The following SUFU variants were observed in gnomAD, a reference collection of about 807,000 sequenced individuals.
SUFU encodes the protein suppressor of fused homolog.
In SUFU, 7 loss-of-function variants were observed where a neutral mutation model predicts 58.9. The ratio of observed to expected loss-of-function variants is 0.12; its 90% CI spans 0.07 to 0.22. The LOEUF (loss-of-function observed/expected upper bound fraction) is 0.22. Ranked by LOEUF, SUFU falls within the 10% of genes least tolerant of loss-of-function variation. The probability of loss-of-function intolerance (pLI) is 1.00; values close to 1 mark genes in which losing one functional copy is unlikely to be tolerated. For synonymous variants in SUFU, 232 were observed against 254.8 expected (o/e 0.91, Z 0.85); for missense variants, 451 against 641.3 (o/e 0.70, Z 3.20).
Position 102,630,223 on chromosome 10 carries a change from T to A in SUFU, c.*68T>A. On this transcript the variant is annotated 3_prime_UTR_variant, in exon 12 of 12. Coordinates refer to ENST00000369902, the MANE Select transcript of SUFU (RefSeq NM_016169.4). ...TCCCCAGTGACTTCCAGTGTAACAG[T>A]TGTGTCAACGAGATCTCCACAAATA... 8.1e-7 allele frequency: 1 copy of A among 1,229,316 alleles called. No individual in the cohort carries two copies. The highest frequency in any genetic ancestry group is 1.2e-6 in the Non-Finnish European group (1 of 866,030). 76.2% of individuals were successfully genotyped at this position (1,229,316 alleles called of 1,614,324 possible).
At chr10:102,627,096 A>G in intron 10 of SUFU, 79 bp from the exon 11 acceptor site, 2 of 1,461,100 alleles carry the variant, frequency 1.4e-6, no homozygotes, top group Non-Finnish European at 9.6e-7. Flanking sequence ...TGGTCAGAAG[A>G]GAGGTATAAC....
chr10:102,589,796 A>T (rs2063376608), intron 3 of SUFU, among the ~76,000 whole-genome samples: 1 of 152,048 alleles, frequency 6.6e-6, no homozygotes, highest in African/African-American at 2.4e-5. Context: ...TTGCACTCTA[A>T]TACAGTGTTG....
chr10:102,529,401 G>A (rs1030236315), intron 2 of SUFU, among the ~76,000 whole-genome samples: 19 of 152,204 alleles, frequency 1.2e-4, no homozygotes, highest in African/African-American at 4.3e-4. Context: ...GAGCCCAGAA[G>A]TTAGGGAAGC....
At chr10:102,627,149 TAAA>T (rs776446639) in intron 10 of SUFU, 23 bp from the exon 11 acceptor site, 128 of 1,612,934 alleles carry the variant, frequency 7.9e-5, no homozygotes, top group Non-Finnish European at 1.0e-4. Context: ...AAAATAATAA[TAAA>T]AGCCTGCCTT....
In SUFU at chr10:102,599,528, G is replaced by A. The variant is rs746448939; in HGVS notation, c.1006G>A (p.Ala336Thr). 34 of 1,613,966 alleles carry A rather than the reference G, an allele frequency of 2.1e-5. No individual in the cohort carries two copies. The highest frequency in any genetic ancestry group is 3.3e-4 in the Middle Eastern group (2 of 6,084). ...CAACCCTCAGCGGCAGAATGGCCTCGCCCACGACCGGGCCCCGTAAGTTCC... is the reference window on the plus strand; with the variant it reads ...CAACCCTCAGCGGCAGAATGGCCTCACCCACGACCGGGCCCCGTAAGTTCC... ...PINPQRQNGL[A>T]HDRAPSRKDS... The change falls in exon 8 of 12, where the codon GCC becomes ACC. Residue 336 changes from alanine to threonine, a missense_variant. By Grantham distance (58) the Ala-to-Thr change is moderately conservative (BLOSUM62 0). Coordinates refer to ENST00000369902, the MANE Select transcript of SUFU (RefSeq NM_016169.4).
At chr10:102,593,759 G>A in intron 5 of SUFU, 38 bp downstream of exon 5, 1 of 1,598,002 alleles carries the variant, frequency 6.3e-7, no homozygotes, top group Non-Finnish European at 8.6e-7. Flanking sequence ...GGCTCCCTGG[G>A]CCTGGGGGTG....
intron 3 of SUFU, among the ~76,000 whole-genome samples, chr10:102,566,378 C>T (rs1438311601): frequency 1.3e-5 from 2 of 152,108 alleles, no homozygotes; most frequent in African/African-American, 4.8e-5. Flanking sequence ...GCCTGTAACC[C>T]CATTACTTTG....
At chr10:102,593,585 G>A (rs988149794) in intron 4 of SUFU, 51 bp from the exon 5 acceptor site, 17 of 1,587,640 alleles carry the variant, frequency 1.1e-5, no homozygotes, top group Non-Finnish European at 1.5e-5. Context: ...GACCTTCTTG[G>A]GGTGGGGGGT....
chr10:102,594,535 A>G (rs754553199), intron 6 of SUFU, among the ~76,000 whole-genome samples: 1 of 152,094 alleles, frequency 6.6e-6, no homozygotes, highest in African/African-American at 2.4e-5. Flanking sequence ...CATTTTCGCC[A>G]CATTTTCTAT....
rs555051776 is a variant in SUFU, at chr10:102,612,800, G to T, written c.1023-2468G>T. On this transcript the variant is annotated intron_variant, in intron 8 of 11. Transcript: ENST00000369902. ...GCTTAAACTCACTCTGAGCCCTTCG[G>T]CTCGTCACCTCACCTCCCTAAGCCT... Among the ~76,000 whole-genome samples, 210 of 152,342 alleles carry T rather than the reference G, an allele frequency of 1.4e-3. 1 individual carries two copies. The highest frequency in any genetic ancestry group is 4.9e-3 in the African/African-American group (203 of 41,568).
chr10:102,506,804 G>A (rs116259724), intron 1 of SUFU, among the ~76,000 whole-genome samples: 3,515 of 152,272 alleles, frequency 0.023, 130 homozygotes, highest in African/African-American at 0.08. Context: ...AGGCTGTCTG[G>A]GTCTGTCTGT....
intron 7 of SUFU, among the ~76,000 whole-genome samples, chr10:102,599,164 G>A (rs2063492008): frequency 6.6e-6 from 1 of 152,168 alleles, no homozygotes; most frequent in Non-Finnish European, 1.5e-5. Context: ...GGAAAGAAAA[G>A]GATGGTGGAG....
intron 11 of SUFU, 89 bp downstream of exon 11, chr10:102,627,332 C>T (rs546150983): frequency 1.2e-4 from 149 of 1,196,560 alleles, no homozygotes; most frequent in Middle Eastern, 5.7e-4. Context: ...TGCATGTGTG[C>T]GTGTGTACCT....
chr10:102,538,496 T>G (rs144601263), intron 2 of SUFU, among the ~76,000 whole-genome samples: 1 of 152,300 alleles, frequency 6.6e-6, no homozygotes, highest in African/African-American at 2.4e-5. Context: ...CTCATTTTAG[T>G]AGCTACCATA....
At chr10:102,531,082 CAAAAAAA>C (rs5787463) in intron 2 of SUFU, among the ~76,000 whole-genome samples, 4 of 95,396 alleles carry the variant, frequency 4.2e-5, no homozygotes, top group African/African-American at 8.3e-5. Context: ...CCATTTCTAC[CAAAAAAA>C]AAAAAAAAAA....
intron 1 of SUFU, among the ~76,000 whole-genome samples, chr10:102,506,113 G>C (rs1227041612): frequency 6.7e-6 from 1 of 150,246 alleles, no homozygotes; most frequent in Non-Finnish European, 1.5e-5. Flanking sequence ...CCTCATTTGA[G>C]TGTGAGGAGA....
chr10:102,568,472 CCTT>C (rs1442106081), intron 3 of SUFU, among the ~76,000 whole-genome samples: 1 of 152,084 alleles, frequency 6.6e-6, no homozygotes, highest in African/African-American at 2.4e-5. Context: ...TGGTTACTAT[CCTT>C]CTAGATATGT....
At chr10:102,597,317 C>T (rs2135882622) in intron 7 of SUFU, 24 bp downstream of exon 7, 1 of 1,607,298 alleles carries the variant, frequency 6.2e-7, no homozygotes, top group Non-Finnish European at 8.5e-7. Flanking sequence ...CTCAGCATTC[C>T]ACCAGCCTTC....
At chr10:102,607,691 A>C (rs1055234500) in intron 8 of SUFU, among the ~76,000 whole-genome samples, 2 of 152,192 alleles carry the variant, frequency 1.3e-5, no homozygotes, top group African/African-American at 4.8e-5. Flanking sequence ...AGGCGTGCAG[A>C]TCACTTGAGG....
Sources: gnomAD v4.1 joint callset for allele counts (sites outside exome capture counted in the v4.1 genomes callset) on GRCh38, gnomAD v4.1.1 for gene constraint, MANE v1.5 for transcripts, NCBI Gene and HGNC (gene_info 2026-07-23, HGNC 2026-07-21) for gene names.